ACCSL: variants seen among roughly 807,000 people sequenced by gnomAD.
ACCSL encodes the protein 1-aminocyclopropane-1-carboxylate synthase homolog (inactive) like.
In ACCSL, 55 loss-of-function variants were observed where a neutral mutation model predicts 61.7. The ratio of observed to expected loss-of-function variants is 0.89; its 90% CI spans 0.72 to 1.12. The LOEUF (loss-of-function observed/expected upper bound fraction) is 1.12. Ranked by LOEUF, ACCSL falls within the 50% of genes most tolerant of loss-of-function variation. The pLI is 0.00. For missense variants in ACCSL, 632 were observed against 698.0 expected (o/e 0.91, Z 1.07); for synonymous variants, 258 against 264.3 (o/e 0.98, Z 0.23).
the ACCSL span, among the ~76,000 whole-genome samples, chr11:43,990,953 C>T: frequency 0.011 from 1,661 of 152,210 alleles, 35 homozygotes; most frequent in African/African-American, 0.038. Flanking sequence ...TGCCTGTAAT[C>T]CCAGCTACTT....
chr11:44,015,280 G>T, the ACCSL span, among the ~76,000 whole-genome samples: 1 of 152,176 alleles, frequency 6.6e-6, no homozygotes, highest in African/African-American at 2.4e-5. Flanking sequence ...AATAAGATTA[G>T]CCCCATTTTA....
At chr11:44,031,783 C>A in the ACCSL span, among the ~76,000 whole-genome samples, 1 of 152,182 alleles carries the variant, frequency 6.6e-6, no homozygotes, top group African/African-American at 2.4e-5. Flanking sequence ...CTTGGCTGTG[C>A]TCATTTATTG....
At chr11:44,049,999 C>CA in intron 1 of ACCSL, 63 bp from the exon 2 acceptor site, 1 of 1,605,628 alleles carries the variant, frequency 6.2e-7, no homozygotes. Flanking sequence ...ACTAATGTTT[C>CA]AAGGGATCTA....
chr11:44,020,299 T>TC, the ACCSL span, among the ~76,000 whole-genome samples: 7 of 152,106 alleles, frequency 4.6e-5, no homozygotes, highest in African/African-American at 1.2e-4. Flanking sequence ...TCCTTTTTTT[T>TC]CCACAGCCTG....
chr11:43,999,138 C>T, the ACCSL span, among the ~76,000 whole-genome samples: 204 of 152,242 alleles, frequency 1.3e-3, 2 homozygotes, highest in African/African-American at 4.4e-3. Context: ...GAATGTTAAG[C>T]GCTTAAGACA....
At chr11:44,050,434 A>G (rs557324381) in intron 2 of ACCSL, 118 bp from the exon 3 acceptor site, 43 of 855,416 alleles carry the variant, frequency 5.0e-5, no homozygotes, top group South Asian at 1.1e-4. Flanking sequence ...GTATATACCC[A>G]TTCCCTTTCT....
At chr11:44,029,932 C>T in the ACCSL span, among the ~76,000 whole-genome samples, 1 of 151,302 alleles carries the variant, frequency 6.6e-6, no homozygotes, top group African/African-American at 2.4e-5. Context: ...GACTTGGGTT[C>T]ATGTCAAACA....
At position 44,048,043 on chromosome 11, in the gene ACCSL, C is replaced by T. The variant is rs998442475; in HGVS notation, c.7C>T (p.His3Tyr). 1.9e-6 allele frequency: 3 copies of T among 1,608,350 alleles called. No homozygotes were observed. The highest frequency in any genetic ancestry group is 1.1e-5 in the South Asian group (1 of 90,962). Residue 3 changes from histidine (H) to tyrosine (Y), a missense_variant, in exon 1 of 14, where the codon CAT becomes TAT. Transcript: ENST00000378832. MS[H>Y]RSDTLPVPSG... ...CAGTAAAGATACCCGGAGTATGAGT[C>T]ATCGGTCAGACACCCTTCCTGTGCC...
the ACCSL span, among the ~76,000 whole-genome samples, chr11:43,984,437 C>A: frequency 6.6e-6 from 1 of 152,074 alleles, no homozygotes; most frequent in Non-Finnish European, 1.5e-5. Context: ...GAGAGGAGAC[C>A]CAGATGAATG....
the ACCSL span, among the ~76,000 whole-genome samples, chr11:43,974,959 T>TAA: frequency 2.0e-5 from 3 of 152,226 alleles, no homozygotes; most frequent in African/African-American, 7.2e-5. Flanking sequence ...TTTAAGACAC[T>TAA]AATTTTGGTG....
At chr11:44,011,808 G>T in the ACCSL span, among the ~76,000 whole-genome samples, 2 of 152,104 alleles carry the variant, frequency 1.3e-5, no homozygotes, top group African/African-American at 4.8e-5. Flanking sequence ...GTGTGTGTGT[G>T]TATGGTTGAG....
the ACCSL span, among the ~76,000 whole-genome samples, chr11:44,036,960 T>G: frequency 6.6e-5 from 10 of 152,084 alleles, no homozygotes; most frequent in Admixed American, 5.9e-4. Context: ...AAAGTGAGTT[T>G]GTATGAGGCC....
chr11:44,003,720 A>C, the ACCSL span, among the ~76,000 whole-genome samples: 1 of 151,956 alleles, frequency 6.6e-6, no homozygotes, highest in South Asian at 2.1e-4. Flanking sequence ...CATCCTATAC[A>C]ACCGAAATTC....
the ACCSL span, among the ~76,000 whole-genome samples, chr11:43,953,615 G>A: frequency 6.6e-6 from 1 of 151,228 alleles, no homozygotes; most frequent in East Asian, 1.9e-4. Flanking sequence ...TGTCCTCACT[G>A]TTCATTATAT....
chr11:43,961,831 A>G, the ACCSL span, among the ~76,000 whole-genome samples: 26 of 152,144 alleles, frequency 1.7e-4, no homozygotes, highest in Non-Finnish European at 3.2e-4. Context: ...TATCCTCTCC[A>G]TAGGGCATAC....
At chr11:44,011,370 C>T in the ACCSL span, among the ~76,000 whole-genome samples, 3 of 152,176 alleles carry the variant, frequency 2.0e-5, no homozygotes, top group Non-Finnish European at 4.4e-5. Context: ...TTGCCTTCCC[C>T]ATTTCATTAT....
chr11:44,002,300 G>T, the ACCSL span, among the ~76,000 whole-genome samples: 1 of 152,124 alleles, frequency 6.6e-6, no homozygotes, highest in African/African-American at 2.4e-5. Flanking sequence ...CTCCCCTTCA[G>T]ATGCCACCTC....
chr11:43,942,845 C>T, the ACCSL span: 445 of 1,165,510 alleles, frequency 3.8e-4, 2 homozygotes, highest in Admixed American at 8.0e-4. Context: ...CCCGGCGCAG[C>T]GGCCGCCCTC....
At position 44,051,385 on chromosome 11, in the gene ACCSL, C is replaced by T. The variant is rs1024355147; in HGVS notation, c.686C>T (p.Thr229Ile). Reference sequence around the variant, plus strand: ...CTGACCTACTACTGCAGGGCACCTACCCGACTTGACCCAGAAAATGTGAGT... The same window carrying T: ...CTGACCTACTACTGCAGGGCACCTATCCGACTTGACCCAGAAAATGTGAGT... ...RFLTYYCRAP[T>I]RLDPENVVVL... Residue 229 changes from threonine (T) to isoleucine (I), a missense_variant, in exon 4 of 14, where the codon ACC (threonine) becomes ATC (isoleucine). By Grantham distance (89) the Thr-to-Ile change is moderately conservative (BLOSUM62 -1). Transcript: ENST00000378832. 4 of 1,614,182 alleles carry T rather than the reference C, an allele frequency of 2.5e-6. No individual in the cohort carries two copies. The highest frequency in any genetic ancestry group is 4.5e-5 in the East Asian group (2 of 44,864).
Sources: allele counts gnomAD v4.1 joint callset (sites outside exome capture counted in the v4.1 genomes callset), GRCh38; gene constraint gnomAD v4.1.1; transcripts MANE v1.5; gene names NCBI Gene and HGNC (gene_info 2026-07-23, HGNC 2026-07-21).